The following SV2C variants were observed in gnomAD, a reference collection of about 807,000 sequenced individuals.
SV2C encodes solute carrier family 22 member B3.
Under a neutral mutation model 79.7 loss-of-function variants are expected in SV2C, and 49 were observed. The observed-to-expected ratio is 0.61, with a 90% CI of 0.49 to 0.78. The LOEUF is 0.78. SV2C is among the 30% of genes least tolerant of loss of function. SV2C has a pLI of 0.00. For synonymous variants in SV2C, 334 were observed against 333.2 expected (o/e 1.00, Z -0.03); for missense variants, 833 against 912.9 (o/e 0.91, Z 1.13).
chr5:75,888,429 G>A, the SV2C span, among the ~76,000 whole-genome samples: 332 of 151,252 alleles, frequency 2.2e-3, 2 homozygotes, highest in Non-Finnish European at 3.4e-3. Flanking sequence ...CTCATTTCAC[G>A]TCACTCCCTT....
At chr5:76,149,055 T>G (rs558622627) in intron 2 of SV2C, among the ~76,000 whole-genome samples, 1 of 152,270 alleles carries the variant, frequency 6.6e-6, no homozygotes, top group East Asian at 1.9e-4. Context: ...GATCTGAAAT[T>G]CAAATGTCAC....
the SV2C span, among the ~76,000 whole-genome samples, chr5:75,998,183 G>T: frequency 6.6e-6 from 1 of 152,060 alleles, no homozygotes; most frequent in African/African-American, 2.4e-5. Flanking sequence ...ACACACCGGG[G>T]CCTGATACGG....
intron 4 of SV2C, among the ~76,000 whole-genome samples, chr5:76,259,586 C>T (rs1486314628): frequency 6.6e-6 from 1 of 152,052 alleles, no homozygotes; most frequent in Admixed American, 6.6e-5. Context: ...TGTCCTAATG[C>T]TCTCCCTCCC....
At chr5:76,030,047 T>C in the SV2C span, among the ~76,000 whole-genome samples, 1 of 152,150 alleles carries the variant, frequency 6.6e-6, no homozygotes, top group Non-Finnish European at 1.5e-5. Context: ...GGGTACTTCA[T>C]AGCATTGAAG....
chr5:76,318,149 G>A (rs1014205269), intron 12 of SV2C, among the ~76,000 whole-genome samples: 1 of 152,214 alleles, frequency 6.6e-6, no homozygotes, highest in Admixed American at 6.5e-5. Flanking sequence ...GTCAGATGCA[G>A]TGGCTCATGC....
chr5:75,957,196 A>G, the SV2C span, among the ~76,000 whole-genome samples: 3 of 152,032 alleles, frequency 2.0e-5, no homozygotes, highest in Non-Finnish European at 2.9e-5. Context: ...TCAACCCTAG[A>G]TAAGATAGTA....
intron 12 of SV2C, among the ~76,000 whole-genome samples, chr5:76,340,427 G>A (rs62363166): frequency 0.36 from 54,551 of 152,102 alleles, 12,256 homozygotes; most frequent in Middle Eastern, 0.52. Context: ...CTCTCTTGGG[G>A]TCTGATTGGG....
the SV2C span, among the ~76,000 whole-genome samples, chr5:75,849,266 G>A: frequency 6.6e-6 from 1 of 152,188 alleles, no homozygotes; most frequent in Non-Finnish European, 1.5e-5. Context: ...ATAAAACTTA[G>A]TGGAGTGAAT....
chr5:76,276,727 CCTTT>C lies in SV2C; in HGVS notation c.914-8426_914-8423del, dbSNP rs1192513494. On this transcript the variant is annotated intron_variant, in intron 4 of 12. Coordinates refer to ENST00000502798, the MANE Select transcript of SV2C (RefSeq NM_014979.4). The stretch of plus-strand genomic sequence containing the variant: ...CACCACCACAACTAGCTTTTTTCTT[CCTTT>C]CTTTCTTTTCTTTTTTTTTTAGAGA... Among the ~76,000 whole-genome samples the C allele has an allele frequency of 1.9e-3, 285 of 147,032 alleles. 1 individual carries two copies. Among genetic ancestry groups the C allele is most frequent in the African/African-American group, 7.0e-3 (273 of 39,010 alleles).
chr5:75,995,128 T>A, the SV2C span, among the ~76,000 whole-genome samples: 5 of 152,136 alleles, frequency 3.3e-5, no homozygotes, highest in Non-Finnish European at 7.4e-5. Flanking sequence ...GATGCCTGCC[T>A]GCATTTGTGA....
the SV2C span, among the ~76,000 whole-genome samples, chr5:76,001,220 G>T: frequency 1.3e-5 from 2 of 152,096 alleles, no homozygotes; most frequent in Non-Finnish European, 2.9e-5. Context: ...AGAGGAAGAG[G>T]GTCTGGGGGC....
chr5:76,135,465 G>A (rs559905746), intron 2 of SV2C, among the ~76,000 whole-genome samples: 1 of 152,230 alleles, frequency 6.6e-6, no homozygotes, highest in African/African-American at 2.4e-5. Flanking sequence ...TAGAGGAGAA[G>A]CCAGAGAAAG....
chr5:75,868,100 T>G, the SV2C span, among the ~76,000 whole-genome samples: 13 of 152,324 alleles, frequency 8.5e-5, no homozygotes, highest in East Asian at 1.7e-3. Context: ...AAGTGACATT[T>G]GAACTGAATT....
At chr5:75,910,404 C>T in the SV2C span, 2 of 589,760 alleles carry the variant, frequency 3.4e-6, no homozygotes, top group Non-Finnish European at 6.5e-6. Context: ...CTGTAGATTT[C>T]CTGCAGGGTT....
the SV2C span, among the ~76,000 whole-genome samples, chr5:75,949,263 T>G: frequency 6.6e-6 from 1 of 152,040 alleles, no homozygotes; most frequent in Non-Finnish European, 1.5e-5. Context: ...AAACCTCTTT[T>G]CTTTATAAAT....
rs534615109 is a variant in SV2C, at chr5:76,328,412, C to G, written c.*2865C>G. The G allele has an allele frequency of 1.2e-3, 183 of 152,294 alleles. No individual in the cohort carries two copies. The highest frequency in any genetic ancestry group is 4.0e-3 in the African/African-American group (168 of 41,558). The allele number at this position is 152,294 out of a possible 1,614,324, so 9.4% of individuals were successfully genotyped here. Reference sequence around the variant, plus strand: ...AGTCCCATTATTATCACAGAATCTTCTCAGTAGGGAAAAACAAACAACTGC... The same window carrying G: ...AGTCCCATTATTATCACAGAATCTTGTCAGTAGGGAAAAACAAACAACTGC... On this transcript the variant is annotated 3_prime_UTR_variant, in exon 13 of 13. Transcript: ENST00000502798.
chr5:75,901,203 C>T, the SV2C span, among the ~76,000 whole-genome samples: 2,324 of 152,226 alleles, frequency 0.015, 59 homozygotes, highest in African/African-American at 0.053. Flanking sequence ...GTTTTTTCCC[C>T]ATCTTTGTGG....
At chr5:76,314,375 T>C (rs998920308) in intron 12 of SV2C, among the ~76,000 whole-genome samples, 1 of 152,118 alleles carries the variant, frequency 6.6e-6, no homozygotes, top group Non-Finnish European at 1.5e-5. Flanking sequence ...CCTTCAGCTG[T>C]CAGCTCCCCG....
chr5:76,166,647 C>A (rs1457059995), intron 2 of SV2C, among the ~76,000 whole-genome samples: 1 of 150,242 alleles, frequency 6.7e-6, no homozygotes, highest in Non-Finnish European at 1.5e-5. Flanking sequence ...AGTGCTGCCT[C>A]AGAAAATTTT....
Sources: gnomAD v4.1 joint callset for allele counts (sites outside exome capture counted in the v4.1 genomes callset) on GRCh38, gnomAD v4.1.1 for gene constraint, MANE v1.5 for transcripts, NCBI Gene and HGNC (gene_info 2026-07-23, HGNC 2026-07-21) for gene names.